Variants in KANSL3 observed in about 807,000 individuals in gnomAD.
The protein encoded by KANSL3 is KAT8 regulatory NSL complex subunit 3.
A neutral mutation model predicts 89.2 loss-of-function variants in KANSL3; 16 were observed. That is an observed-to-expected ratio of 0.18 (90% CI 0.12 to 0.27). The LOEUF is 0.27. Ranked by LOEUF, KANSL3 falls within the 10% of genes least tolerant of loss-of-function variation. The pLI is 1.00. For synonymous variants in KANSL3, 385 were observed against 419.7 expected (o/e 0.92, Z 1.01); for missense variants, 879 against 1,110.6 (o/e 0.79, Z 2.96).
intron 1 of KANSL3, among the ~76,000 whole-genome samples, chr2:96,637,408 G>A (rs191618704): frequency 3.3e-5 from 5 of 152,106 alleles, no homozygotes. Flanking sequence ...AACCTCTAGC[G>A]AACTGAAATT....
chr2:96,594,968 C>T lies in KANSL3; in HGVS notation c.*643G>A, dbSNP rs1403343119. The stretch of plus-strand genomic sequence containing the variant: ...GGCTGAAAGATGACAGCCTAGTTCT[C>T]TTTGCCTTCATTATGATACTAACAA... On this transcript the variant is annotated 3_prime_UTR_variant, in exon 21 of 21. Coordinates refer to ENST00000431828, the MANE Select transcript of KANSL3 (RefSeq NM_001115016.3). 2.0e-5 allele frequency: 3 copies of T among 152,268 alleles called. No individual in the cohort carries two copies. The East Asian group carries it at 5.8e-4, about 29-fold the overall frequency. 9.4% of individuals were successfully genotyped at this position (152,268 alleles called of 1,614,324 possible). A position where few individuals can be genotyped will look rare whatever the true frequency, so the allele number is the denominator to read the frequency against.
the KANSL3 span, among the ~76,000 whole-genome samples, chr2:96,584,586 AAGATC>A: frequency 2.0e-5 from 3 of 152,212 alleles, no homozygotes; most frequent in South Asian, 2.1e-4. Context: ...CTACTTCTAT[AAGATC>A]AGCTTTTTTA....
At chr2:96,604,710 C>T in intron 16 of KANSL3, 69 bp downstream of exon 16, 1 of 1,339,358 alleles carries the variant, frequency 7.5e-7, no homozygotes, top group South Asian at 1.3e-5. Context: ...TTTTCCAAAG[C>T]ACTAAATAAA....
At chr2:96,636,393 A>C (rs1463715835) in intron 2 of KANSL3, among the ~76,000 whole-genome samples, 1 of 152,234 alleles carries the variant, frequency 6.6e-6, no homozygotes, top group African/African-American at 2.4e-5. Flanking sequence ...ATCATTAGAC[A>C]TAAGAAGGGT....
intron 20 of KANSL3, among the ~76,000 whole-genome samples, chr2:96,597,169 C>T (rs2066618157): frequency 6.6e-6 from 1 of 152,138 alleles, no homozygotes; most frequent in Admixed American, 6.5e-5. Flanking sequence ...CCTAACAATA[C>T]CATTATCACA....
At chr2:96,617,643 T>C (rs530408581) in intron 5 of KANSL3, among the ~76,000 whole-genome samples, 1 of 151,450 alleles carries the variant, frequency 6.6e-6, no homozygotes, top group Non-Finnish European at 1.5e-5. Context: ...GGAGGACTGC[T>C]TGAGGCCAGG....
At chr2:96,618,780 C>T (rs1315374958) in intron 5 of KANSL3, among the ~76,000 whole-genome samples, 1 of 152,256 alleles carries the variant, frequency 6.6e-6, no homozygotes, top group East Asian at 1.9e-4. Context: ...CCAGCATCCG[C>T]ATTCTACCAC....
intron 5 of KANSL3, among the ~76,000 whole-genome samples, chr2:96,618,527 A>G (rs2070654322): frequency 6.6e-6 from 1 of 152,216 alleles, no homozygotes; most frequent in Non-Finnish European, 1.5e-5. Context: ...CACCCCAAAT[A>G]TTTCAAGAAC....
chr2:96,608,877 G>T lies in KANSL3; in HGVS notation c.1571C>A (p.Pro524His). 1 of 1,578,958 alleles carries T rather than the reference G, an allele frequency of 6.3e-7. No individual in the cohort carries two copies. Among genetic ancestry groups the T allele is most frequent in the Admixed American group, 1.8e-5 (1 of 54,532 alleles). Residue 524 changes from proline (P) to histidine (H), a missense_variant, in exon 13 of 21, where the codon CCC becomes CAC. Physicochemically the swap from Pro to His is moderately conservative, Grantham distance 77. Coordinates refer to ENST00000431828, the MANE Select transcript of KANSL3 (RefSeq NM_001115016.3). ...TGCTCACACTACCTCTGAGCCTGAG[G>T]GTGAGGCGGGCAGCTTGGCAGCTGG... ...ASPAAKLPAS[P>H]SGSEDLSSVS...
chr2:96,611,097 C>T lies in KANSL3; in HGVS notation c.1128G>A (p.Gly376=), dbSNP rs1323532301. The T allele has an allele frequency of 6.2e-7, 1 of 1,613,886 alleles. No individual in the cohort carries two copies. The highest frequency in any genetic ancestry group is 2.2e-5 in the East Asian group (1 of 44,898). Residue 376 remains glycine, a synonymous_variant, in exon 10 of 21, where the codon GGG becomes GGA. Transcript: ENST00000431828. ...GGCCATCCACAGTAAGCAGAGGAAA[C>T]CCAAGGCAGACAACTGCAGTGACAT... ...MEYVTAVVCL[G]FPLLTVDGPR... is the part of the protein sequence containing the mutation.
rs2067217514 is a variant in KANSL3 at position 96,601,759 on chromosome 2, T to C, written c.2500A>G (p.Thr834Ala). The change falls in exon 20 of 21, where the codon ACC becomes GCC. Residue 834 changes from threonine (T) to alanine (A), a missense_variant. Physicochemically the swap from Thr to Ala is moderately conservative, Grantham distance 58 (BLOSUM62 0). Around this residue, in one of 6 missense-constraint regions of KANSL3, gnomAD observed 61 missense variants for 61.7 expected, o/e 0.99. Transcript: ENST00000431828. ...NQASGLKVPT[T>A]ITLTLRGQPS... ...TGGCCACGAAGTGTCAGAGTAATGG[T>C]GGTGGGGACCTTCAAGCCTGAGATA... The C allele has an allele frequency of 1.3e-6, 2 of 1,574,902 alleles. No individual in the cohort carries two copies. Among genetic ancestry groups the C allele is most frequent in the Non-Finnish European group, 1.7e-6 (2 of 1,161,942 alleles).
chr2:96,620,538 A>G (rs1226582532), intron 3 of KANSL3, among the ~76,000 whole-genome samples: 1 of 151,856 alleles, frequency 6.6e-6, no homozygotes, highest in African/African-American at 2.4e-5. Flanking sequence ...ACCTCATCAC[A>G]CCCAGTTTAG....
chr2:96,634,989 C>A (rs1338771845), intron 2 of KANSL3, among the ~76,000 whole-genome samples: 2 of 152,208 alleles, frequency 1.3e-5, no homozygotes, highest in East Asian at 3.8e-4. Flanking sequence ...ATCCTATTAA[C>A]CTATTCACTC....
At chr2:96,606,665 A>G in intron 14 of KANSL3, 1 of 235,382 alleles carries the variant, frequency 4.2e-6, no homozygotes, top group Non-Finnish European at 8.4e-6. Flanking sequence ...ACACACAAGG[A>G]AACTGAGACT....
chr2:96,628,511 G>A (rs2072802720), intron 3 of KANSL3: 2 of 176,706 alleles, frequency 1.1e-5, no homozygotes, highest in Admixed American at 5.4e-5. Context: ...TTAAGAAATG[G>A]TGACGTACTC....
At position 96,605,413 on chromosome 2, in the gene KANSL3, T is replaced by G. The variant is rs2067828656; in HGVS notation, c.1840A>C (p.Thr614Pro). The G allele has an allele frequency of 6.2e-7, 1 of 1,613,828 alleles. No homozygotes were observed. The highest frequency in any genetic ancestry group is 8.5e-7 in the Non-Finnish European group (1 of 1,179,830). The change falls in exon 15 of 21, where the codon ACC becomes CCC. Residue 614 changes from threonine to proline, a missense_variant. By Grantham distance (38) the Thr-to-Pro change is conservative. Around this residue, in one of 6 missense-constraint regions of KANSL3, gnomAD observed 317 missense variants for 311.2 expected, o/e 1.02. Coordinates refer to ENST00000431828, the MANE Select transcript of KANSL3 (RefSeq NM_001115016.3). ...HPSSPLPGSK[T>P]SKRPKIKVSL... ...ACCTTGATCTTCGGTCGTTTGGAGGTCTTACTGCCAGGAAGGGGACTCGAG... is the reference window on the plus strand; with the variant it reads ...ACCTTGATCTTCGGTCGTTTGGAGGGCTTACTGCCAGGAAGGGGACTCGAG...
At chr2:96,595,882 C>T (rs1322476014) in intron 20 of KANSL3, among the ~76,000 whole-genome samples, 1 of 152,206 alleles carries the variant, frequency 6.6e-6, no homozygotes, top group African/African-American at 2.4e-5. Context: ...CCTCCTTTTC[C>T]TCGCCTGTAA....
At chr2:96,636,708 T>C (rs761456954) in intron 2 of KANSL3, 3 of 453,828 alleles carry the variant, frequency 6.6e-6, no homozygotes, top group African/African-American at 2.0e-5. Flanking sequence ...TGCTTTTCAT[T>C]TGCACGTCTT....
chr2:96,623,225 T>C (rs1463962452), intron 3 of KANSL3, among the ~76,000 whole-genome samples: 1 of 152,162 alleles, frequency 6.6e-6, no homozygotes, highest in Non-Finnish European at 1.5e-5. Context: ...CAGGTCCCTA[T>C]CCAAACCCTC....
Sources: gnomAD v4.1 joint callset for allele counts (sites outside exome capture counted in the v4.1 genomes callset) on GRCh38, gnomAD v4.1.1 for gene constraint, gnomAD v4.1.1 regional missense constraint, MANE v1.5 for transcripts, NCBI Gene and HGNC (gene_info 2026-07-23, HGNC 2026-07-21) for gene names.